Variants in UBE2Q2 observed in about 807,000 individuals in gnomAD.
UBE2Q2 encodes ubiquitin-conjugating enzyme E2 Q2.
Under a neutral mutation model 59.9 loss-of-function variants are expected in UBE2Q2, and 54 were observed. The ratio of observed to expected loss-of-function variants is 0.90; its 90% CI spans 0.72 to 1.13. UBE2Q2 has a LOEUF of 1.13. Among genes scored for constraint, UBE2Q2 ranks in the 50% most tolerant of loss-of-function variants. The probability of loss-of-function intolerance (pLI) is 0.00; values close to 1 mark genes in which losing one functional copy is unlikely to be tolerated. For missense variants in UBE2Q2, 433 were observed against 441.9 expected, an observed-to-expected ratio of 0.98 and a Z score of 0.18; for synonymous variants, 165 against 155.2, an observed-to-expected ratio of 1.06 and a Z score of -0.47.
At chr15:75,878,957 A>G in intron 7 of UBE2Q2, 141 bp from the exon 8 acceptor site, 1 of 500,352 alleles carries the variant, frequency 2.0e-6, no homozygotes, top group Non-Finnish European at 3.5e-6. Flanking sequence ...CTGGTGATAC[A>G]GAGCAGCTTT....
intron 9 of UBE2Q2, among the ~76,000 whole-genome samples, chr15:75,886,019 A>G (rs1409502813): frequency 6.6e-6 from 1 of 152,178 alleles, no homozygotes; most frequent in Non-Finnish European, 1.5e-5. Flanking sequence ...CCAGTCTTTT[A>G]CTAGCCACCA....
At chr15:75,885,749 A>G (rs1037393613) in intron 9 of UBE2Q2, among the ~76,000 whole-genome samples, 1 of 152,228 alleles carries the variant, frequency 6.6e-6, no homozygotes, top group Non-Finnish European at 1.5e-5. Flanking sequence ...ATATACTATC[A>G]CAGTGAGTGG....
intron 4 of UBE2Q2, among the ~76,000 whole-genome samples, 183 bp from the exon 5 acceptor site, chr15:75,873,245 T>C (rs35656041): frequency 0.23 from 35,078 of 152,106 alleles, 4,897 homozygotes; most frequent in Non-Finnish European, 0.31. Flanking sequence ...AAATAAAATA[T>C]AGGATATAAA....
At chr15:75,865,966 C>T (rs1897451661) in intron 3 of UBE2Q2, among the ~76,000 whole-genome samples, 2 of 152,198 alleles carry the variant, frequency 1.3e-5, no homozygotes, top group South Asian at 4.1e-4. Context: ...GATAATGCTT[C>T]CTGTCTTGAT....
chr15:75,876,507 T>C (rs1041750920), intron 6 of UBE2Q2, among the ~76,000 whole-genome samples: 3 of 152,240 alleles, frequency 2.0e-5, no homozygotes, highest in East Asian at 3.8e-4. Flanking sequence ...AATTTTGTCC[T>C]CTTCTTGATA....
At chr15:75,846,464 C>T (rs530175532) in intron 1 of UBE2Q2, among the ~76,000 whole-genome samples, 3 of 152,194 alleles carry the variant, frequency 2.0e-5, no homozygotes, top group African/African-American at 7.2e-5. Flanking sequence ...TCTTGAACTC[C>T]ACCTCAAGCT....
chr15:75,873,439 C>G lies in UBE2Q2; in HGVS notation c.459C>G (p.Asp153Glu), dbSNP rs1359787797. Residue 153 changes from aspartate to glutamate, a missense_variant, in exon 5 of 13, where the codon GAC becomes GAG. Asp to Glu is a conservative substitution (Grantham distance 45). Transcript: ENST00000267938. ...TCGTCTCTTTGTAGGATATAGAAGA[C>G]TTAGATCACTATGAGATGAAGGAAG... ...EEEEMAEDIE[D>E]LDHYEMKEEE... 6.2e-7 allele frequency: 1 copy of G among 1,610,034 alleles called. No homozygotes were observed. The highest frequency in any genetic ancestry group is 8.5e-7 in the Non-Finnish European group (1 of 1,179,236).
At chr15:75,863,745 C>T (rs1004535854) in intron 3 of UBE2Q2, among the ~76,000 whole-genome samples, 3 of 151,768 alleles carry the variant, frequency 2.0e-5, no homozygotes, top group African/African-American at 2.4e-5. Context: ...TGGGTTCAAG[C>T]GATTCTCCTG....
chr15:75,872,737 T>G (rs1469532613), intron 4 of UBE2Q2, among the ~76,000 whole-genome samples: 1 of 152,044 alleles, frequency 6.6e-6, no homozygotes, highest in Admixed American at 6.5e-5. Flanking sequence ...TACATAAAAC[T>G]TGGAAATTAG....
chr15:75,844,068 G>A, intron 1 of UBE2Q2: 1 of 1,410,836 alleles, frequency 7.1e-7, no homozygotes. Context: ...TCTCGCCAGG[G>A]GCTGGCTTGG....
At chr15:75,844,107 T>C in intron 1 of UBE2Q2, 1 of 1,414,332 alleles carries the variant, frequency 7.1e-7, no homozygotes, top group Non-Finnish European at 9.2e-7. Context: ...GGTCCCCGTC[T>C]CCTAGCCCCG....
intron 4 of UBE2Q2, among the ~76,000 whole-genome samples, chr15:75,872,533 CTT>C (rs374099581): frequency 1.1e-4 from 13 of 114,750 alleles, no homozygotes; most frequent in East Asian, 2.6e-4. Context: ...TTTTCTTTTC[CTT>C]TTTTTTTTTT....
intron 1 of UBE2Q2, 32 bp from the exon 2 acceptor site, chr15:75,854,354 A>T (rs1896793642): frequency 6.4e-7 from 1 of 1,557,180 alleles, no homozygotes; most frequent in South Asian, 1.1e-5. Context: ...GTCTGTATGT[A>T]AATGTTTAAC....
At chr15:75,866,427 C>T (rs1344986239) in intron 3 of UBE2Q2, among the ~76,000 whole-genome samples, 1 of 152,186 alleles carries the variant, frequency 6.6e-6, no homozygotes, top group Non-Finnish European at 1.5e-5. Context: ...GATCCTCCTG[C>T]CTTGGCCTCC....
intron 12 of UBE2Q2, 122 bp from the exon 13 acceptor site, chr15:75,899,305 T>A (rs564855099): frequency 4.6e-5 from 15 of 323,584 alleles, no homozygotes; most frequent in East Asian, 1.0e-4. Flanking sequence ...ATATATATAT[T>A]TTTTACGGTA....
intron 6 of UBE2Q2, 148 bp from the exon 7 acceptor site, chr15:75,877,813 A>C: frequency 3.7e-6 from 2 of 541,004 alleles, no homozygotes; most frequent in East Asian, 6.3e-5. Context: ...CAGCTGCAGT[A>C]GTGTAATATT....
chr15:75,883,901 C>G (rs1355809303), intron 9 of UBE2Q2, among the ~76,000 whole-genome samples: 1 of 152,028 alleles, frequency 6.6e-6, no homozygotes, highest in Non-Finnish European at 1.5e-5. Flanking sequence ...CATAAAAAAG[C>G]TAATGTTTTC....
At chr15:75,893,958 A>G (rs1468263853) in intron 11 of UBE2Q2, among the ~76,000 whole-genome samples, 1 of 152,178 alleles carries the variant, frequency 6.6e-6, no homozygotes, top group African/African-American at 2.4e-5. Flanking sequence ...ATCTTTTTCA[A>G]TGAACAACAC....
chr15:75,869,099 T>A, intron 4 of UBE2Q2, 89 bp downstream of exon 4: 1 of 1,055,726 alleles, frequency 9.5e-7, no homozygotes. Flanking sequence ...AGACTACTAT[T>A]AATGTGGAAT....
Sources: allele counts gnomAD v4.1 joint callset (sites outside exome capture counted in the v4.1 genomes callset), GRCh38; gene constraint gnomAD v4.1.1; transcripts MANE v1.5; gene names NCBI Gene and HGNC (gene_info 2026-07-23, HGNC 2026-07-21).